The following EML5 variants were observed in gnomAD, a reference collection of about 807,000 sequenced individuals.
EML5 encodes the protein EMAP like 5.
Under a neutral mutation model 250.0 loss-of-function variants are expected in EML5, and 120 were observed. The ratio of observed to expected loss-of-function variants is 0.48; its 90% CI spans 0.41 to 0.56. The LOEUF (loss-of-function observed/expected upper bound fraction) is 0.56, where lower values mean the gene tolerates loss of function less well. Ranked by LOEUF, EML5 falls within the 20% of genes least tolerant of loss-of-function variation. The pLI is 0.00. For synonymous variants in EML5, 771 were observed against 806.5 expected, an observed-to-expected ratio of 0.96 and a Z score of 0.75; for missense variants, 2,006 against 2,437.6, an observed-to-expected ratio of 0.82 and a Z score of 3.73.
In EML5 at chr14:88,687,285, C is replaced by A; in HGVS notation, c.2785G>T (p.Asp929Tyr). The A allele has an allele frequency of 3.1e-6, 5 of 1,612,326 alleles. No individual in the cohort carries two copies. Among genetic ancestry groups the A allele is most frequent in the Non-Finnish European group, 4.2e-6 (5 of 1,179,292 alleles). Residue 929 changes from aspartate (D) to tyrosine (Y), a missense_variant, in exon 19 of 44, where the codon GAT becomes TAT. Coordinates refer to ENST00000554922, the MANE Select transcript of EML5 (RefSeq NM_183387.3). ...GGKDGIVALW[D>Y]DSFERCLKTY... ...TTGAGACATCTTTCAAAAGAGTCAT[C>A]CCAAAGAGCTACTATACCATCTTTT...
rs1466803743 is a variant in EML5 at position 88,746,237 on chromosome 14, C to A, written c.404G>T (p.Trp135Leu). 1.2e-6 allele frequency: 2 copies of A among 1,613,264 alleles called. No individual in the cohort carries two copies. The highest frequency in any genetic ancestry group is 1.7e-6 in the Non-Finnish European group (2 of 1,179,598). ...CAACATTTTTCCCCTTTTCCAGTCC[C>A]AAACACAAACTGCATTCTTTGAATC... ...GLDSKNAVCV[W>L]DWKRGKMLSM... is the part of the protein sequence containing the mutation. The change falls in exon 3 of 44, where the codon TGG (tryptophan) becomes TTG (leucine). Residue 135 changes from tryptophan (W) to leucine (L), a missense_variant. Around this residue, in one of 7 missense-constraint regions of EML5, gnomAD observed 162 missense variants for 212.2 expected, o/e 0.76. Transcript: ENST00000554922.
At chr14:88,782,122 G>T (rs767417559) in intron 1 of EML5, among the ~76,000 whole-genome samples, 18 of 152,330 alleles carry the variant, frequency 1.2e-4, no homozygotes, top group Non-Finnish European at 2.6e-4. Context: ...CTAAAATGAT[G>T]ATAGTGATAT....
intron 2 of EML5, among the ~76,000 whole-genome samples, chr14:88,753,474 T>C (rs1461425385): frequency 6.6e-6 from 1 of 152,232 alleles, no homozygotes; most frequent in Non-Finnish European, 1.5e-5. Flanking sequence ...ACTAATTTTA[T>C]GAATTAAAAA....
At chr14:88,627,207 G>A (rs185422253) in intron 34 of EML5, 161 bp from the exon 35 acceptor site, 150 of 654,002 alleles carry the variant, frequency 2.3e-4, no homozygotes, top group Admixed American at 8.9e-4. Context: ...ACAATTATTT[G>A]TGTATTGAGT....
intron 1 of EML5, among the ~76,000 whole-genome samples, chr14:88,760,103 A>C (rs1360485072): frequency 6.6e-6 from 1 of 152,020 alleles, no homozygotes; most frequent in Non-Finnish European, 1.5e-5. Flanking sequence ...ACTTGCAAAT[A>C]TTTTCTCCCA....
intron 41 of EML5, chr14:88,617,100 C>A (rs1418933140): frequency 2.5e-6 from 1 of 393,400 alleles, no homozygotes; most frequent in African/African-American, 2.0e-5. Context: ...CTAGATTAAT[C>A]TTTTTAAGAT....
At chr14:88,698,914 G>C (rs976227623) in intron 14 of EML5, among the ~76,000 whole-genome samples, 2 of 152,114 alleles carry the variant, frequency 1.3e-5, no homozygotes, top group African/African-American at 2.4e-5. Context: ...ACAACTCTAC[G>C]AGATGGGAAC....
chr14:88,743,711 T>C (rs1449699643), intron 4 of EML5, among the ~76,000 whole-genome samples: 1 of 152,076 alleles, frequency 6.6e-6, no homozygotes, highest in East Asian at 1.9e-4. Flanking sequence ...TCTTTCCTAT[T>C]CTCAACATTT....
chr14:88,699,262 G>A (rs958272852), intron 14 of EML5, among the ~76,000 whole-genome samples: 1 of 152,072 alleles, frequency 6.6e-6, no homozygotes, highest in Non-Finnish European at 1.5e-5. Flanking sequence ...AGCATTATAC[G>A]TGTTGGACAA....
chr14:88,759,210 T>C (rs1167162025), intron 1 of EML5, among the ~76,000 whole-genome samples: 1 of 152,198 alleles, frequency 6.6e-6, no homozygotes, highest in African/African-American at 2.4e-5. Flanking sequence ...TGTACACATA[T>C]TTTTAGTATA....
At chr14:88,757,507 C>T (rs1345764161) in intron 1 of EML5, among the ~76,000 whole-genome samples, 2 of 151,102 alleles carry the variant, frequency 1.3e-5, no homozygotes, top group Non-Finnish European at 2.9e-5. Context: ...CTTCTAAGGA[C>T]AATCATCAAG....
At chr14:88,783,689 A>G (rs1005272048) in intron 1 of EML5, among the ~76,000 whole-genome samples, 4 of 152,240 alleles carry the variant, frequency 2.6e-5, no homozygotes, top group Non-Finnish European at 5.9e-5. Flanking sequence ...AGCTAGAGAG[A>G]GAGACAGGCC....
intron 27 of EML5, among the ~76,000 whole-genome samples, chr14:88,654,191 G>A (rs2091767557): frequency 6.6e-6 from 1 of 151,632 alleles, no homozygotes; most frequent in Non-Finnish European, 1.5e-5. Context: ...TATTAGTCTG[G>A]CTAGCAGTCT....
At chr14:88,661,932 A>G (rs1297225561) in intron 24 of EML5, 102 bp from the exon 25 acceptor site, 2 of 1,059,500 alleles carry the variant, frequency 1.9e-6, no homozygotes, top group Non-Finnish European at 2.6e-6. Flanking sequence ...TGTCACAAGT[A>G]AAATGAAAGT....
intron 8 of EML5, among the ~76,000 whole-genome samples, chr14:88,721,844 G>GA (rs1489496198): frequency 1.3e-5 from 2 of 151,916 alleles, no homozygotes; most frequent in African/African-American, 4.8e-5. Flanking sequence ...TACAGAGTGG[G>GA]AAAAAATATT....
At chr14:88,704,529 G>T (rs532968185) in intron 13 of EML5, among the ~76,000 whole-genome samples, 1 of 152,150 alleles carries the variant, frequency 6.6e-6, no homozygotes, top group Non-Finnish European at 1.5e-5. Flanking sequence ...GAGAGGTTAA[G>T]TGACTTGTTT....
Position 88,682,113 on chromosome 14 carries a change from C to A in EML5, c.2983-82G>T, listed in dbSNP as rs919041133. 5 of 1,303,418 alleles carry A rather than the reference C, an allele frequency of 3.8e-6. No individual in the cohort carries two copies. In the African/African-American group the frequency reaches 6.0e-5, roughly 16 times the overall value. 80.7% of individuals were successfully genotyped at this position (1,303,418 alleles called of 1,614,324 possible). The stretch of plus-strand genomic sequence containing the variant: ...TTTATTTAGAATAAAGCTAAAGATA[C>A]CATTCAATAATATATGATAATAGGA... On this transcript the variant is annotated intron_variant, in intron 20 of 43. Coordinates refer to ENST00000554922, the MANE Select transcript of EML5 (RefSeq NM_183387.3).
chr14:88,690,778 G>A (rs1232473130), intron 17 of EML5, among the ~76,000 whole-genome samples: 2 of 152,196 alleles, frequency 1.3e-5, no homozygotes, highest in African/African-American at 4.8e-5. Flanking sequence ...AGAAAGGGTA[G>A]AAGAGTTAGA....
At chr14:88,647,131 G>T (rs2091385746) in intron 28 of EML5, among the ~76,000 whole-genome samples, 176 bp from the exon 29 acceptor site, 1 of 152,164 alleles carries the variant, frequency 6.6e-6, no homozygotes, top group South Asian at 2.1e-4. Context: ...GGGAGCCCAA[G>T]GCAGGAGGAT....
Sources: gnomAD v4.1 joint callset for allele counts (sites outside exome capture counted in the v4.1 genomes callset) on GRCh38, gnomAD v4.1.1 for gene constraint, gnomAD v4.1.1 regional missense constraint, MANE v1.5 for transcripts, NCBI Gene and HGNC (gene_info 2026-07-23, HGNC 2026-07-21) for gene names.